The following UBE2K variants were observed in gnomAD, a reference collection of about 807,000 sequenced individuals.
UBE2K encodes ubiquitin-conjugating enzyme E2 K.
In UBE2K, 6 loss-of-function variants were observed where a neutral mutation model predicts 30.0. The ratio of observed to expected loss-of-function variants is 0.20; its 90% CI spans 0.11 to 0.39. The LOEUF (loss-of-function observed/expected upper bound fraction) is 0.39. Ranked by LOEUF, UBE2K falls within the 10% of genes least tolerant of loss-of-function variation. The probability of loss-of-function intolerance (pLI) is 1.00; values close to 1 mark genes in which losing one functional copy is unlikely to be tolerated. For missense variants in UBE2K, 61 were observed against 241.6 expected (o/e 0.25, Z 4.96); for synonymous variants, 86 against 83.7 (o/e 1.03, Z -0.15).
At position 39,774,833 on chromosome 4, in the gene UBE2K, G is replaced by C; in HGVS notation, c.300-1G>C. The C allele has an allele frequency of 6.8e-7, 1 of 1,480,280 alleles. No individual in the cohort carries two copies. 91.7% of individuals were successfully genotyped at this position (1,480,280 alleles called of 1,614,324 possible). A position where few individuals can be genotyped will look rare whatever the true frequency, so the allele number is the denominator to read the frequency against. On this transcript the variant is annotated splice_acceptor_variant, in intron 4 of 6. Coordinates refer to ENST00000261427, the MANE Select transcript of UBE2K (RefSeq NM_005339.5). LOFTEE classifies it high-confidence loss of function. ...GGATATTTTCATGTTTTGCATTTTA[G>C]GGCAGCTGCAATGACTCTCCGCACG...
chr4:39,700,441 CT>C (rs1717945262), intron 1 of UBE2K, among the ~76,000 whole-genome samples: 1 of 152,154 alleles, frequency 6.6e-6, no homozygotes, highest in African/African-American at 2.4e-5. Context: ...AAGGAAACTT[CT>C]GGGAAAATAA....
rs1378868584 is a variant in UBE2K at position 39,780,964 on chromosome 4, C to A, written c.*2530C>A. On this transcript the variant is annotated 3_prime_UTR_variant, in exon 7 of 7. Transcript: ENST00000261427. ...TGTTAAAAAAAAAATCCAGTGAAAT[C>A]CCATTTAGGGCAGGCCGATTTGTTA... 6.6e-6 allele frequency: 1 copy of A among 152,018 alleles called. No homozygotes were observed. The highest frequency in any genetic ancestry group is 2.4e-5 in the African/African-American group (1 of 41,416). 9.4% of individuals were successfully genotyped at this position (152,018 alleles called of 1,614,324 possible). A position where few individuals can be genotyped will look rare whatever the true frequency, so the allele number is the denominator to read the frequency against.
At chr4:39,703,391 A>C (rs1718144381) in intron 1 of UBE2K, among the ~76,000 whole-genome samples, 1 of 151,966 alleles carries the variant, frequency 6.6e-6, no homozygotes, top group African/African-American at 2.4e-5. Flanking sequence ...GTATGTGCCT[A>C]TAGTGGCAGC....
chr4:39,757,204 T>C (rs1274710391), intron 4 of UBE2K, among the ~76,000 whole-genome samples: 1 of 152,008 alleles, frequency 6.6e-6, no homozygotes, highest in African/African-American at 2.4e-5. Context: ...TTTTGTATTT[T>C]TAGTAGAGAT....
intron 1 of UBE2K, among the ~76,000 whole-genome samples, 164 bp downstream of exon 1, chr4:39,698,554 C>T (rs890401609): frequency 6.6e-6 from 1 of 152,084 alleles, no homozygotes; most frequent in Admixed American, 6.5e-5. Flanking sequence ...GCCGCCTTCC[C>T]CTCCCCTCCC....
At chr4:39,701,813 T>C (rs1718029936) in intron 1 of UBE2K, among the ~76,000 whole-genome samples, 1 of 151,762 alleles carries the variant, frequency 6.6e-6, no homozygotes, top group Non-Finnish European at 1.5e-5. Flanking sequence ...CAGACTGGAG[T>C]GCAGTGGTGC....
chr4:39,701,567 C>T (rs1430314719), intron 1 of UBE2K, among the ~76,000 whole-genome samples: 1 of 152,078 alleles, frequency 6.6e-6, no homozygotes, highest in Non-Finnish European at 1.5e-5. Flanking sequence ...TCTAGGTCTG[C>T]TTGTGTTCAT....
chr4:39,770,220 G>C, intron 4 of UBE2K: 1 of 1,611,658 alleles, frequency 6.2e-7, no homozygotes, highest in Non-Finnish European at 8.5e-7. Context: ...GCAGCGGTAG[G>C]GCTGCGCTCC....
intron 1 of UBE2K, among the ~76,000 whole-genome samples, chr4:39,722,313 AT>A (rs1719469002): frequency 6.6e-6 from 1 of 152,148 alleles, no homozygotes; most frequent in Non-Finnish European, 1.5e-5. Context: ...CAGGTTAAAC[AT>A]TTTGGTAAGA....
intron 4 of UBE2K, among the ~76,000 whole-genome samples, chr4:39,769,213 G>GTTTTTTTTTTTTTTTGTTTTTTTTTT (rs60471860): frequency 1.2e-4 from 15 of 128,660 alleles, no homozygotes; most frequent in East Asian, 6.6e-4. Context: ...GTTTCTTTTT[G>GTTTTTTTTTTTTTTTGTTTTTTTTTT]TTTTTTTTTT....
intron 1 of UBE2K, among the ~76,000 whole-genome samples, chr4:39,713,437 C>T (rs1421528624): frequency 6.6e-6 from 1 of 151,834 alleles, no homozygotes; most frequent in Non-Finnish European, 1.5e-5. Flanking sequence ...GGATTACAAG[C>T]GTGAGCCACT....
At chr4:39,760,195 G>GAAAAAAAAAAAAAAAAAACAA (rs71194914) in intron 4 of UBE2K, among the ~76,000 whole-genome samples, 1 of 102,584 alleles carries the variant, frequency 9.7e-6, no homozygotes, top group African/African-American at 3.9e-5. Flanking sequence ...AAAAAAAACA[G>GAAAAAAAAAAAAAAAAAACAA]AAAAAAAAAA....
intron 4 of UBE2K, among the ~76,000 whole-genome samples, chr4:39,757,013 T>TTGG (rs1721561455): frequency 9.6e-6 from 1 of 104,304 alleles, no homozygotes; most frequent in East Asian, 3.2e-4. Flanking sequence ...TTTTTTTTGT[T>TTGG]TTTTGTTTTT....
intron 4 of UBE2K, chr4:39,771,508 C>A: frequency 7.0e-7 from 1 of 1,434,326 alleles, no homozygotes; most frequent in Non-Finnish European, 9.2e-7. Context: ...TTCCCCACCC[C>A]CGCGGGGCCG....
At chr4:39,771,372 G>A (rs967855851) in intron 4 of UBE2K, 2 of 1,612,652 alleles carry the variant, frequency 1.2e-6, no homozygotes, top group Admixed American at 1.7e-5. Context: ...GCTTGTTCAT[G>A]TTCCGTAGCG....
At chr4:39,759,574 G>A (rs964203930) in intron 4 of UBE2K, among the ~76,000 whole-genome samples, 3 of 152,208 alleles carry the variant, frequency 2.0e-5, no homozygotes, top group African/African-American at 7.2e-5. Context: ...GTGAGCCACT[G>A]TGCCCGGCCC....
intron 1 of UBE2K, among the ~76,000 whole-genome samples, chr4:39,708,579 T>C (rs539727791): frequency 1.3e-5 from 2 of 152,150 alleles, no homozygotes; most frequent in African/African-American, 4.8e-5. Flanking sequence ...TGAGTATATA[T>C]TATGTATTTT....
rs564155769 is a variant in UBE2K at position 39,745,384 on chromosome 4, TTTG to T, written c.158-356_158-354del. The stretch of plus-strand genomic sequence containing the variant: ...TGCCTTCTTTTTTTTTTCTGACCCT[TTTG>T]TTGTTGTTGTTATTTAGCAATTCTT... On this transcript the variant is annotated intron_variant, in intron 2 of 6. Coordinates refer to ENST00000261427, the MANE Select transcript of UBE2K (RefSeq NM_005339.5). Among the ~76,000 whole-genome samples the T allele has an allele frequency of 1.7e-4, 26 of 152,236 alleles. No individual in the cohort carries two copies. In the South Asian group the frequency reaches 4.2e-3, roughly 24 times the overall value.
chr4:39,723,362 CTTTTT>C (rs529806724), intron 1 of UBE2K, among the ~76,000 whole-genome samples: 4 of 108,330 alleles, frequency 3.7e-5, no homozygotes, highest in Admixed American at 2.4e-4. Flanking sequence ...GCTGTCTTCT[CTTTTT>C]TTTTTTTTTT....
Sources: gnomAD v4.1 joint callset for allele counts (sites outside exome capture counted in the v4.1 genomes callset) on GRCh38, gnomAD v4.1.1 for gene constraint, MANE v1.5 for transcripts, NCBI Gene and HGNC (gene_info 2026-07-23, HGNC 2026-07-21) for gene names.